XKR9: variants seen among roughly 807,000 people sequenced by gnomAD.
XKR9 encodes the protein XK-related protein 9.
XKR9 carries 32 observed loss-of-function variants against 32.0 expected under a neutral mutation model. The ratio of observed to expected loss-of-function variants is 1.00; its 90% CI spans 0.76 to 1.34. The LOEUF is 1.34. Among genes scored for constraint, XKR9 ranks in the 40% most tolerant of loss-of-function variants. The pLI, the probability that XKR9 is intolerant of heterozygous loss-of-function variation, is 0.00. For synonymous variants in XKR9, 168 were observed against 143.4 expected, an observed-to-expected ratio of 1.17 and a Z score of -1.22; for missense variants, 546 against 429.7, an observed-to-expected ratio of 1.27 and a Z score of -2.39.
chr8:70,865,647 C>G, the XKR9 span, among the ~76,000 whole-genome samples: 1 of 152,038 alleles, frequency 6.6e-6, no homozygotes, highest in Non-Finnish European at 1.5e-5. Context: ...AGTGATGGAA[C>G]AGAGTGGAGG....
At chr8:70,712,147 G>A (rs1805939601) in intron 4 of XKR9, among the ~76,000 whole-genome samples, 1 of 152,126 alleles carries the variant, frequency 6.6e-6, no homozygotes, top group Non-Finnish European at 1.5e-5. Context: ...AGAGTGCAGA[G>A]TAGAATAGCA....
chr8:70,888,671 T>G, the XKR9 span, among the ~76,000 whole-genome samples: 1 of 152,096 alleles, frequency 6.6e-6, no homozygotes, highest in African/African-American at 2.4e-5. Flanking sequence ...TTTTTGCATA[T>G]GTATATCCAG....
chr8:70,906,496 G>C, the XKR9 span, among the ~76,000 whole-genome samples: 3 of 152,180 alleles, frequency 2.0e-5, no homozygotes, highest in African/African-American at 7.2e-5. Flanking sequence ...TTTGTTTATA[G>C]AGCTAGTACC....
chr8:70,693,873 A>G (rs1805163423), intron 3 of XKR9, among the ~76,000 whole-genome samples: 1 of 152,174 alleles, frequency 6.6e-6, no homozygotes, highest in Non-Finnish European at 1.5e-5. Context: ...GTGGCAAGGC[A>G]TGTTCCACTG....
the XKR9 span, among the ~76,000 whole-genome samples, chr8:70,822,006 C>T: frequency 6.6e-6 from 1 of 152,150 alleles, no homozygotes; most frequent in African/African-American, 2.4e-5. Context: ...TCTATTGCAT[C>T]TTGAGGCTGC....
chr8:70,981,068 A>G, the XKR9 span, among the ~76,000 whole-genome samples: 95 of 152,244 alleles, frequency 6.2e-4, 2 homozygotes, highest in South Asian at 0.02. Context: ...ACAGCTCTTA[A>G]GATTTTTTCC....
chr8:70,968,394 C>A, the XKR9 span, among the ~76,000 whole-genome samples: 1 of 152,186 alleles, frequency 6.6e-6, no homozygotes, highest in Non-Finnish European at 1.5e-5. Context: ...GCTCTCTTAG[C>A]TCAGTGAAGT....
chr8:70,776,692 A>G (rs1807524996), intron 2 of XKR9, among the ~76,000 whole-genome samples: 3 of 151,826 alleles, frequency 2.0e-5, no homozygotes, highest in African/African-American at 7.3e-5. Flanking sequence ...CAGCCTCTGT[A>G]CCACCTGTTC....
the XKR9 span, among the ~76,000 whole-genome samples, chr8:70,877,127 G>A: frequency 6.6e-6 from 1 of 152,066 alleles, no homozygotes; most frequent in East Asian, 1.9e-4. Flanking sequence ...AGGGTGGCAA[G>A]GAGAGAGAAT....
At chr8:70,912,414 C>T in the XKR9 span, among the ~76,000 whole-genome samples, 1 of 151,934 alleles carries the variant, frequency 6.6e-6, no homozygotes, top group Non-Finnish European at 1.5e-5. Context: ...AGAATCTAGA[C>T]ACAATAGGAG....
chr8:70,673,366 A>G (rs928452192), intron 1 of XKR9, among the ~76,000 whole-genome samples: 2 of 152,240 alleles, frequency 1.3e-5, no homozygotes, highest in African/African-American at 4.8e-5. Context: ...CAAATGATTT[A>G]AAAGTAAGGC....
At chr8:70,937,557 C>A in the XKR9 span, among the ~76,000 whole-genome samples, 1 of 151,988 alleles carries the variant, frequency 6.6e-6, no homozygotes, top group Non-Finnish European at 1.5e-5. Context: ...GGGAATTGTG[C>A]AATTGACTAA....
chr8:70,701,393 T>C (rs1402263477), intron 3 of XKR9, among the ~76,000 whole-genome samples: 1 of 152,198 alleles, frequency 6.6e-6, no homozygotes, highest in East Asian at 1.9e-4. Flanking sequence ...TTTCCTTGAT[T>C]AATTCCAATG....
At chr8:70,693,588 A>C (rs140835153) in intron 3 of XKR9, among the ~76,000 whole-genome samples, 1 of 152,166 alleles carries the variant, frequency 6.6e-6, no homozygotes, top group African/African-American at 2.4e-5. Flanking sequence ...AGCAGAGGAA[A>C]AGATCATAGT....
At chr8:70,683,190 T>A (rs1288124448) in intron 3 of XKR9, among the ~76,000 whole-genome samples, 3 of 152,216 alleles carry the variant, frequency 2.0e-5, no homozygotes, top group Non-Finnish European at 4.4e-5. Flanking sequence ...TACCTAGAAG[T>A]ATAGTGTGTA....
At chr8:70,829,350 C>T in the XKR9 span, among the ~76,000 whole-genome samples, 1 of 152,176 alleles carries the variant, frequency 6.6e-6, no homozygotes, top group Admixed American at 6.5e-5. Context: ...TTTCCATGAA[C>T]TGCTGGAGGT....
intron 2 of XKR9, among the ~76,000 whole-genome samples, chr8:70,742,691 T>C (rs1278279557): frequency 1.3e-5 from 2 of 152,164 alleles, no homozygotes; most frequent in Non-Finnish European, 2.9e-5. Context: ...TGACAGGTTT[T>C]TTCCTTCCTT....
At chr8:70,810,699 T>C in the XKR9 span, among the ~76,000 whole-genome samples, 58 of 152,266 alleles carry the variant, frequency 3.8e-4, no homozygotes, top group African/African-American at 1.3e-3. Context: ...AAGAAGGCCA[T>C]TACATAATGG....
chr8:70,707,216 A>C, intron 4 of XKR9, 63 bp downstream of exon 4: 1 of 1,314,422 alleles, frequency 7.6e-7, no homozygotes, highest in Non-Finnish European at 1.1e-6. Context: ...CAACTATATA[A>C]ATCTTTGGCT....
Sources: allele counts gnomAD v4.1 joint callset (sites outside exome capture counted in the v4.1 genomes callset), GRCh38; gene constraint gnomAD v4.1.1; transcripts MANE v1.5; gene names NCBI Gene and HGNC (gene_info 2026-07-23, HGNC 2026-07-21).